Variants in SMAD3 observed in about 807,000 individuals in gnomAD.
The protein encoded by SMAD3 is SMAD family member 3.
In SMAD3, 12 loss-of-function variants were observed where a neutral mutation model predicts 51.8. The ratio of observed to expected loss-of-function variants is 0.23; its 90% confidence interval spans 0.15 to 0.38. The LOEUF is 0.38. SMAD3 is among the 10% of genes least tolerant of loss of function. SMAD3 has a pLI of 1.00. For missense variants in SMAD3, 294 were observed against 565.6 expected (o/e 0.52, Z 4.87); for synonymous variants, 238 against 227.7 (o/e 1.05, Z -0.41).
Position 67,191,034 on chromosome 15 carries a change from AGCCCCGCCCC to A in SMAD3, c.*509_*518del, listed in dbSNP as rs987105992. 9.7e-6 allele frequency: 2 copies of A among 205,934 alleles called. No homozygotes were observed. The highest frequency in any genetic ancestry group is 1.9e-5 in the Non-Finnish European group (2 of 103,482). The allele number at this position is 205,934 out of a possible 1,614,324, so 12.8% of individuals were successfully genotyped here. ...CTCTTCCAGTGAACATTCCCAGCCC[AGCCCCGCCCC>A]GCCCCGCCCCACCACTCCAGCAGAC... On this transcript the variant is annotated 3_prime_UTR_variant, in exon 9 of 9. Transcript: ENST00000327367.
At chr15:67,136,459 A>G (rs988083847) in intron 1 of SMAD3, among the ~76,000 whole-genome samples, 20 of 151,870 alleles carry the variant, frequency 1.3e-4, no homozygotes, top group Non-Finnish European at 2.5e-4. Flanking sequence ...CCTCCTGAGT[A>G]GCTGGTATTA....
At chr15:67,174,130 C>G (rs1041987053) in intron 5 of SMAD3, among the ~76,000 whole-genome samples, 1 of 152,200 alleles carries the variant, frequency 6.6e-6, no homozygotes, top group Non-Finnish European at 1.5e-5. Context: ...GTATTGTGGC[C>G]TCTCCTCCAG....
At chr15:67,168,282 A>G (rs1595945080) in intron 4 of SMAD3, among the ~76,000 whole-genome samples, 1 of 152,208 alleles carries the variant, frequency 6.6e-6, no homozygotes, top group Non-Finnish European at 1.5e-5. Context: ...AGAGACTCGC[A>G]TGTACATTGT....
chr15:67,134,651 T>C (rs553271215), intron 1 of SMAD3, among the ~76,000 whole-genome samples: 1 of 152,328 alleles, frequency 6.6e-6, no homozygotes, highest in African/African-American at 2.4e-5. Context: ...CCTCCTCCTC[T>C]GCTACCACAT....
chr15:67,145,271 C>T (rs1191812286), intron 1 of SMAD3, among the ~76,000 whole-genome samples: 1 of 152,162 alleles, frequency 6.6e-6, no homozygotes, highest in African/African-American at 2.4e-5. Context: ...GGAATAAGCA[C>T]TCATAGCACA....
At chr15:67,166,191 C>A in intron 3 of SMAD3, 1 of 1,013,440 alleles carries the variant, frequency 9.9e-7, no homozygotes, top group Non-Finnish European at 1.2e-6. Context: ...TGGCGTCCCG[C>A]GGGTAAGTCA....
In SMAD3 at chr15:67,191,929, T is replaced by C. The variant is rs1244650254; in HGVS notation, c.*1393T>C. The C allele has an allele frequency of 1.3e-5, 3 of 227,896 alleles. No homozygotes were observed. Among genetic ancestry groups the C allele is most frequent in the East Asian group, 1.3e-4 (2 of 15,906 alleles). The allele number at this position is 227,896 out of a possible 1,614,324, so 14.1% of individuals were successfully genotyped here. ...TTAGGGAGAAAACTAGTCTAAATTATTTCAACTGGAAAAAAGAAAAAAGAG... is the reference window on the plus strand; with the variant it reads ...TTAGGGAGAAAACTAGTCTAAATTACTTCAACTGGAAAAAAGAAAAAAGAG... On this transcript the variant is annotated 3_prime_UTR_variant, in exon 9 of 9. Coordinates refer to ENST00000327367, the MANE Select transcript of SMAD3 (RefSeq NM_005902.4).
At chr15:67,190,089 G>T (rs913208077) in intron 8 of SMAD3, among the ~76,000 whole-genome samples, 2 of 151,870 alleles carry the variant, frequency 1.3e-5, no homozygotes, top group Non-Finnish European at 2.9e-5. Flanking sequence ...TCTATTAGGG[G>T]GCCTGTTACA....
chr15:67,139,293 T>C lies in SMAD3; in HGVS notation c.207-25602T>C, dbSNP rs528822463. Among the ~76,000 whole-genome samples the C allele has an allele frequency of 2.0e-4, 30 of 152,302 alleles. 1 individual carries two copies. The East Asian group carries it at 4.0e-3, about 21-fold the overall frequency. ...CCTCAGATGCCCCGTGATATCTCGT[T>C]GCGTCAGGTTTTCCTATAAAATGTC... On this transcript the variant is annotated intron_variant, in intron 1 of 8. Transcript: ENST00000327367.
chr15:67,133,989 A>G (rs1048701899), intron 1 of SMAD3, among the ~76,000 whole-genome samples: 5 of 151,774 alleles, frequency 3.3e-5, no homozygotes, highest in African/African-American at 1.2e-4. Flanking sequence ...TGTGCCTTTA[A>G]TGTTCAGCAC....
intron 1 of SMAD3, among the ~76,000 whole-genome samples, chr15:67,150,700 A>G (rs1048465220): frequency 4.6e-5 from 7 of 151,082 alleles, no homozygotes; most frequent in Non-Finnish European, 8.8e-5. Flanking sequence ...TGTAATAAGA[A>G]TTGTTTGTTT....
chr15:67,192,762 GGGA>G lies in SMAD3; in HGVS notation c.*2227_*2229del. Reference sequence around the variant, plus strand: ...AGTCGTGTCTTACTCCAGGTGAAGGGGGAAAAAAAAAGCCTATACTTTGGCAGG... The same window carrying G: ...AGTCGTGTCTTACTCCAGGTGAAGGGAAAAAAAAGCCTATACTTTGGCAGG... On this transcript the variant is annotated 3_prime_UTR_variant, in exon 9 of 9. Coordinates refer to ENST00000327367, the MANE Select transcript of SMAD3 (RefSeq NM_005902.4). 1 of 231,630 alleles carries G rather than the reference GGGA, an allele frequency of 4.3e-6. No individual in the cohort carries two copies. Among genetic ancestry groups the G allele is most frequent in the Non-Finnish European group, 8.6e-6 (1 of 116,948 alleles). The allele number at this position is 231,630 out of a possible 1,614,324, so 14.3% of individuals were successfully genotyped here.
chr15:67,098,146 C>G (rs1225797013), intron 1 of SMAD3, among the ~76,000 whole-genome samples: 1 of 152,158 alleles, frequency 6.6e-6, no homozygotes, highest in Admixed American at 6.5e-5. Context: ...TTAGGAAGAG[C>G]TAACACGGTG....
At chr15:67,175,105 G>C (rs1039381891) in intron 5 of SMAD3, among the ~76,000 whole-genome samples, 2 of 152,216 alleles carry the variant, frequency 1.3e-5, no homozygotes, top group African/African-American at 4.8e-5. Context: ...GAAGGATTGG[G>C]GTAAATGGAG....
intron 1 of SMAD3, among the ~76,000 whole-genome samples, chr15:67,082,546 G>A (rs1960300451): frequency 1.3e-5 from 2 of 152,174 alleles, no homozygotes; most frequent in African/African-American, 4.8e-5. Context: ...CATCTCTCTT[G>A]TTTTGAATCT....
intron 1 of SMAD3, among the ~76,000 whole-genome samples, chr15:67,076,650 C>T (rs540305413): frequency 2.6e-5 from 4 of 152,348 alleles, no homozygotes; most frequent in African/African-American, 9.6e-5. Flanking sequence ...TTTGGCCCTC[C>T]ACCTGGCTGT....
chr15:67,094,596 A>G (rs1012840796), intron 1 of SMAD3, among the ~76,000 whole-genome samples: 1 of 152,212 alleles, frequency 6.6e-6, no homozygotes, highest in Non-Finnish European at 1.5e-5. Context: ...TTTTCACTCC[A>G]TAAATATATA....
At chr15:67,161,860 G>T (rs1183151370) in intron 1 of SMAD3, among the ~76,000 whole-genome samples, 4 of 152,172 alleles carry the variant, frequency 2.6e-5, no homozygotes, top group Non-Finnish European at 5.9e-5. Context: ...GAGCTGCCCA[G>T]TGTCTCCCAG....
rs1392537510 is a variant in SMAD3 at position 67,065,949 on chromosome 15, C to G, written c.-206C>G. 1 of 210,642 alleles carries G rather than the reference C, an allele frequency of 4.7e-6. No homozygotes were observed. Among genetic ancestry groups the G allele is most frequent in the Non-Finnish European group, 9.5e-6 (1 of 105,384 alleles). 13.0% of individuals were successfully genotyped at this position (210,642 alleles called of 1,614,324 possible). ...GCCGCTCTTCTCTTCGCCGTGGGAG[C>G]CGCTCCGGGCGCAGGGCCGCGCGCC... On this transcript the variant is annotated 5_prime_UTR_variant, in exon 1 of 9. Transcript: ENST00000327367.
Sources: allele counts gnomAD v4.1 joint callset (sites outside exome capture counted in the v4.1 genomes callset), GRCh38; gene constraint gnomAD v4.1.1; transcripts MANE v1.5; gene names NCBI Gene and HGNC (gene_info 2026-07-23, HGNC 2026-07-21).